Variants in ITGB5 observed in about 807,000 individuals in gnomAD.
ITGB5 encodes the protein integrin beta-5.
ITGB5 carries 38 observed loss-of-function variants against 84.8 expected under a neutral mutation model. The observed-to-expected ratio is 0.45, with a 90% CI of 0.35 to 0.59. The LOEUF is 0.59. Among genes scored for constraint, ITGB5 ranks in the 20% least tolerant of loss-of-function variants. The pLI is 0.01. For missense variants in ITGB5, 905 were observed against 1,034.5 expected (o/e 0.87, Z 1.72); for synonymous variants, 393 against 414.4 (o/e 0.95, Z 0.63).
At chr3:124,799,467 G>A (rs1398947433) in intron 9 of ITGB5, among the ~76,000 whole-genome samples, 1 of 152,196 alleles carries the variant, frequency 6.6e-6, no homozygotes, top group Non-Finnish European at 1.5e-5. Context: ...GGCTGAGGTG[G>A]GAGGATGGCT....
chr3:124,875,418 A>C (rs1934262117), intron 1 of ITGB5, among the ~76,000 whole-genome samples: 1 of 147,086 alleles, frequency 6.8e-6, no homozygotes, highest in Non-Finnish European at 1.5e-5. Context: ...CGGAGGCTGC[A>C]GTGAGCCGAG....
Position 124,762,714 on chromosome 3 carries a change from G to GTGTC in ITGB5, c.*905_*908dup, listed in dbSNP as rs2063711872. The GTGTC allele has an allele frequency of 6.6e-6, 1 of 152,228 alleles. No homozygotes were observed. The highest frequency in any genetic ancestry group is 1.5e-5 in the Non-Finnish European group (1 of 68,076). The allele number at this position is 152,228 out of a possible 1,614,324, so 9.4% of individuals were successfully genotyped here. On this transcript the variant is annotated 3_prime_UTR_variant, in exon 15 of 15. Transcript: ENST00000296181. ...CTCAGAACAAGGGGTGGTTTTTATG[G>GTGTC]TGTCTAGCCTGGAACTCTCTGTCAG...
In ITGB5 at chr3:124,821,406, G is replaced by T. The variant is rs146803561; in HGVS notation, c.849C>A (p.Ile283=). ...LVFTTDDVPH[I]ALDGKLGGLV... is the part of the protein sequence containing the mutation. Reference sequence around the variant, plus strand: ...GGCCTCCCAATTTTCCATCCAATGCGATGTGGGGCACATCATCTGTTGTGA... The same window carrying T: ...GGCCTCCCAATTTTCCATCCAATGCTATGTGGGGCACATCATCTGTTGTGA... The change falls in exon 6 of 15, where the codon ATC becomes ATA. Residue 283 remains isoleucine, a synonymous_variant. Coordinates refer to ENST00000296181, the MANE Select transcript of ITGB5 (RefSeq NM_002213.5). 1 of 1,614,212 alleles carries T rather than the reference G, an allele frequency of 6.2e-7. No homozygotes were observed.
At chr3:124,770,995 C>G (rs1400743538) in intron 11 of ITGB5, among the ~76,000 whole-genome samples, 2 of 151,842 alleles carry the variant, frequency 1.3e-5, no homozygotes, top group Non-Finnish European at 2.9e-5. Context: ...ATCTGATTCT[C>G]TGTTGTTAAA....
At chr3:124,871,287 C>G (rs547223428) in intron 2 of ITGB5, among the ~76,000 whole-genome samples, 1 of 152,202 alleles carries the variant, frequency 6.6e-6, no homozygotes, top group South Asian at 2.1e-4. Context: ...CTCCACCTCC[C>G]AGGTTCAAGC....
At chr3:124,810,961 T>C (rs1299373059) in intron 8 of ITGB5, among the ~76,000 whole-genome samples, 1 of 152,194 alleles carries the variant, frequency 6.6e-6, no homozygotes, top group East Asian at 1.9e-4. Flanking sequence ...CATATAGTGC[T>C]AAAGTTGAAT....
chr3:124,786,187 C>T (rs2064079848), intron 10 of ITGB5, among the ~76,000 whole-genome samples: 1 of 152,166 alleles, frequency 6.6e-6, no homozygotes. Context: ...AAAACACTAA[C>T]AAACGAGCCT....
chr3:124,894,502 T>G (rs1274103945), intron 1 of ITGB5: 1 of 152,206 alleles, frequency 6.6e-6, no homozygotes, highest in East Asian at 1.9e-4. Context: ...ATTGCTTATG[T>G]AAAATTTTCT....
At chr3:124,818,244 C>T (rs1423506104) in intron 7 of ITGB5, among the ~76,000 whole-genome samples, 3 of 152,120 alleles carry the variant, frequency 2.0e-5, no homozygotes, top group African/African-American at 7.2e-5. Context: ...AAAGGGGCAG[C>T]CTTGAAGTAC....
At chr3:124,819,858 G>T (rs775015282) in intron 6 of ITGB5, 24 bp from the exon 7 acceptor site, 4 of 1,528,708 alleles carry the variant, frequency 2.6e-6, no homozygotes, top group Non-Finnish European at 3.6e-6. Context: ...AAAAGTCAAG[G>T]CTATGACATT....
At chr3:124,785,265 T>C (rs1233230104) in intron 10 of ITGB5, among the ~76,000 whole-genome samples, 1 of 152,144 alleles carries the variant, frequency 6.6e-6, no homozygotes, top group Non-Finnish European at 1.5e-5. Flanking sequence ...TCAAGGGCGT[T>C]TTATAAATTA....
In ITGB5 at chr3:124,773,637, C is replaced by T. The variant is rs575138137; in HGVS notation, c.1916+53G>A. ...GGCCCTGAGGGCTGCCTGGCTGGACCACAGGCCTGGCCTGGGTGAGAAGTA... is the reference window on the plus strand; with the variant it reads ...GGCCCTGAGGGCTGCCTGGCTGGACTACAGGCCTGGCCTGGGTGAGAAGTA... On this transcript the variant is annotated intron_variant, in intron 11 of 14. Coordinates refer to ENST00000296181, the MANE Select transcript of ITGB5 (RefSeq NM_002213.5). The T allele has an allele frequency of 4.5e-6, 7 of 1,563,976 alleles. No homozygotes were observed. The South Asian group carries it at 8.0e-5, about 18-fold the overall frequency.
intron 7 of ITGB5, among the ~76,000 whole-genome samples, chr3:124,819,385 T>C (rs1006895029): frequency 6.6e-6 from 1 of 152,244 alleles, no homozygotes; most frequent in African/African-American, 2.4e-5. Context: ...ATTAGTGACG[T>C]AGCCTGATGA....
chr3:124,793,151 C>T (rs2064173142), intron 10 of ITGB5: 1 of 152,172 alleles, frequency 6.6e-6, no homozygotes, highest in South Asian at 2.1e-4. Flanking sequence ...TCTTAGGAGA[C>T]AGGAAAAGCC....
chr3:124,801,351 G>A (rs72972533), intron 9 of ITGB5, among the ~76,000 whole-genome samples: 1,986 of 152,248 alleles, frequency 0.013, 39 homozygotes, highest in African/African-American at 0.046. Context: ...CACTGGATTT[G>A]GGGCTTTCAA....
At chr3:124,863,990 A>T (rs1450612049) in intron 2 of ITGB5, among the ~76,000 whole-genome samples, 2 of 149,864 alleles carry the variant, frequency 1.3e-5, no homozygotes, top group Non-Finnish European at 3.0e-5. Context: ...AAAAAAAGAA[A>T]AAAAAGAAAG....
intron 5 of ITGB5, among the ~76,000 whole-genome samples, chr3:124,825,241 T>G (rs73199516): frequency 0.054 from 8,208 of 151,826 alleles, 323 homozygotes; most frequent in Non-Finnish European, 0.08. Context: ...CTCTCATAAT[T>G]GCCTAAGAGA....
chr3:124,888,280 T>C (rs61760561), upstream of ITGB5, among the ~76,000 whole-genome samples: 2 of 152,280 alleles, frequency 1.3e-5, no homozygotes, highest in African/African-American at 4.8e-5. Context: ...TGCCGCTATA[T>C]TTCGTTGTCC....
chr3:124,809,267 A>C (rs1293209830), intron 8 of ITGB5, 111 bp from the exon 9 acceptor site: 1 of 1,149,404 alleles, frequency 8.7e-7, no homozygotes, highest in African/African-American at 1.5e-5. Context: ...AGGAATCCCA[A>C]GCCAAAGGAA....
Sources: allele counts gnomAD v4.1 joint callset (sites outside exome capture counted in the v4.1 genomes callset), GRCh38; gene constraint gnomAD v4.1.1; transcripts MANE v1.5; gene names NCBI Gene and HGNC (gene_info 2026-07-23, HGNC 2026-07-21).